The following PTPRM variants were observed in gnomAD, a reference collection of about 807,000 sequenced individuals.
The protein encoded by PTPRM is receptor-type tyrosine-protein phosphatase mu.
PTPRM carries 47 observed loss-of-function variants against 186.7 expected under a neutral mutation model. The observed-to-expected ratio is 0.25, with a 90% confidence interval of 0.20 to 0.32. The LOEUF is 0.32. PTPRM is among the 10% of genes least tolerant of loss of function. The pLI is 1.00. For synonymous variants in PTPRM, 668 were observed against 674.9 expected, an observed-to-expected ratio of 0.99 and a Z score of 0.16; for missense variants, 1,494 against 1,865.0, an observed-to-expected ratio of 0.80 and a Z score of 3.66.
chr18:8,296,495 C>G, intron 20 of PTPRM, 40 bp downstream of exon 20: 1 of 1,436,442 alleles, frequency 7.0e-7, no homozygotes, highest in East Asian at 2.3e-5. Context: ...GTAGAACTTC[C>G]TTTTTGCATC....
At chr18:7,601,866 G>A (rs149483850) in intron 1 of PTPRM, among the ~76,000 whole-genome samples, 1 of 152,236 alleles carries the variant, frequency 6.6e-6, no homozygotes, top group East Asian at 1.9e-4. Context: ...TTAATCTTGT[G>A]CCATTTAATT....
At chr18:8,205,157 G>A (rs946871201) in intron 14 of PTPRM, among the ~76,000 whole-genome samples, 4 of 152,042 alleles carry the variant, frequency 2.6e-5, no homozygotes, top group African/African-American at 9.7e-5. Flanking sequence ...AAAGTTCAAA[G>A]CTGAAATATT....
At chr18:7,656,154 T>C (rs2038842659) in intron 1 of PTPRM, among the ~76,000 whole-genome samples, 1 of 152,200 alleles carries the variant, frequency 6.6e-6, no homozygotes, top group African/African-American at 2.4e-5. Context: ...TTATACACGA[T>C]AGCCAAAAGG....
chr18:7,756,414 T>G (rs1011647847), intron 1 of PTPRM, among the ~76,000 whole-genome samples: 12 of 152,214 alleles, frequency 7.9e-5, no homozygotes, highest in African/African-American at 2.9e-4. Context: ...TGGGAGCAAA[T>G]TTTCTCGGAT....
At chr18:8,110,170 G>A (rs528868348) in intron 11 of PTPRM, among the ~76,000 whole-genome samples, 27 of 152,246 alleles carry the variant, frequency 1.8e-4, no homozygotes, top group Non-Finnish European at 3.5e-4. Flanking sequence ...GAAGTGTCAC[G>A]AGACACAACA....
chr18:7,677,647 T>C (rs910782248), intron 1 of PTPRM, among the ~76,000 whole-genome samples: 1 of 152,156 alleles, frequency 6.6e-6, no homozygotes, highest in Non-Finnish European at 1.5e-5. Context: ...TGGAGAGCCT[T>C]CTTCCATGAT....
intron 1 of PTPRM, among the ~76,000 whole-genome samples, chr18:7,590,095 G>T (rs1333132964): frequency 6.6e-6 from 1 of 152,220 alleles, no homozygotes; most frequent in Non-Finnish European, 1.5e-5. Context: ...AGAAGCGAGA[G>T]CATGGGTTTC....
In PTPRM at chr18:8,239,841, T is replaced by A. The variant is rs139119936; in HGVS notation, c.2301-4217T>A. Among the ~76,000 whole-genome samples, 1,356 of 152,318 alleles carry A rather than the reference T, an allele frequency of 8.9e-3. 19 individuals carry two copies. The highest frequency in any genetic ancestry group is 0.031 in the African/African-American group (1,271 of 41,566). On this transcript the variant is annotated intron_variant, in intron 14 of 32. Transcript: ENST00000580170. ...AAGTCCTTTCTTTAAATTTTAATGA[T>A]CTATTTATAGATATTCGTAAGAACC...
At chr18:7,839,355 C>T (rs771223927) in intron 2 of PTPRM, among the ~76,000 whole-genome samples, 32 of 152,270 alleles carry the variant, frequency 2.1e-4, no homozygotes, top group South Asian at 1.2e-3. Context: ...CATAGCACCT[C>T]AGCATCCCTG....
intron 2 of PTPRM, among the ~76,000 whole-genome samples, chr18:7,839,026 G>T (rs1270760214): frequency 1.3e-5 from 2 of 152,086 alleles, no homozygotes; most frequent in African/African-American, 4.8e-5. Context: ...AAGTCAGCCT[G>T]TGGTGAATGC....
At chr18:8,040,289 A>G (rs1004595874) in intron 7 of PTPRM, among the ~76,000 whole-genome samples, 2 of 152,068 alleles carry the variant, frequency 1.3e-5, no homozygotes, top group African/African-American at 4.8e-5. Flanking sequence ...TCATCTTCCC[A>G]TTGAGAATTA....
intron 14 of PTPRM, among the ~76,000 whole-genome samples, chr18:8,205,920 C>T (rs113740054): frequency 3.0e-3 from 451 of 152,104 alleles, no homozygotes; most frequent in African/African-American, 1.0e-2. Flanking sequence ...TTGGAGTGCC[C>T]GGTGATTAGG....
intron 2 of PTPRM, among the ~76,000 whole-genome samples, chr18:7,787,633 A>G (rs1372713997): frequency 6.6e-6 from 1 of 152,146 alleles, no homozygotes; most frequent in East Asian, 1.9e-4. Context: ...CTTGCCCCTC[A>G]CACATTCACA....
intron 1 of PTPRM, among the ~76,000 whole-genome samples, chr18:7,581,954 C>T (rs77325790): frequency 0.039 from 5,948 of 152,214 alleles, 142 homozygotes; most frequent in South Asian, 0.084. Context: ...GACACCCCAC[C>T]TGGCATAAAA....
chr18:8,051,433 C>A (rs997039017), intron 7 of PTPRM, among the ~76,000 whole-genome samples: 2 of 152,216 alleles, frequency 1.3e-5, no homozygotes, highest in Admixed American at 6.5e-5. Context: ...GTCTTCTGCT[C>A]ATTTTATCCC....
chr18:7,649,184 T>C (rs2038636542), intron 1 of PTPRM, among the ~76,000 whole-genome samples: 1 of 152,162 alleles, frequency 6.6e-6, no homozygotes, highest in African/African-American at 2.4e-5. Flanking sequence ...CTGAATATTT[T>C]AAGCCTGCTG....
At chr18:7,698,730 T>G (rs2039895633) in intron 1 of PTPRM, among the ~76,000 whole-genome samples, 1 of 152,120 alleles carries the variant, frequency 6.6e-6, no homozygotes, top group Admixed American at 6.5e-5. Context: ...TGTAAGAGTG[T>G]TTTGGTTTTT....
At position 7,641,975 on chromosome 18, in the gene PTPRM, A is replaced by G. The variant is rs139047521; in HGVS notation, c.73+74084A>G. ...AGGGCTATGAGGGATGTGGAGGATTAGTATAGGAGCACTGTCTGGTTGTAA... is the reference window on the plus strand; with the variant it reads ...AGGGCTATGAGGGATGTGGAGGATTGGTATAGGAGCACTGTCTGGTTGTAA... On this transcript the variant is annotated intron_variant, in intron 1 of 32. Coordinates refer to ENST00000580170, the MANE Select transcript of PTPRM (RefSeq NM_001105244.2). 6.6e-5 allele frequency among the ~76,000 whole-genome samples: 10 copies of G among 152,308 alleles called. No individual in the cohort carries two copies. The East Asian group carries it at 1.9e-3, about 29-fold the overall frequency.
intron 1 of PTPRM, among the ~76,000 whole-genome samples, chr18:7,723,926 T>C (rs1450157621): frequency 6.6e-6 from 1 of 152,194 alleles, no homozygotes; most frequent in South Asian, 2.1e-4. Flanking sequence ...CTTACAAATA[T>C]CTTTCAGTGA....
Sources: allele counts gnomAD v4.1 joint callset (sites outside exome capture counted in the v4.1 genomes callset), GRCh38; gene constraint gnomAD v4.1.1; transcripts MANE v1.5; gene names NCBI Gene and HGNC (gene_info 2026-07-23, HGNC 2026-07-21).